Variants in ZFAND3 observed in about 807,000 individuals in gnomAD.
ZFAND3 encodes zinc finger AN1-type containing 3.
In ZFAND3, 10 loss-of-function variants were observed where a neutral mutation model predicts 29.6. The observed-to-expected ratio is 0.34, with a 90% CI of 0.21 to 0.57. ZFAND3 has a LOEUF of 0.57. ZFAND3 is among the 20% of genes least tolerant of loss of function. The pLI, the probability that ZFAND3 is intolerant of heterozygous loss-of-function variation, is 0.86. For missense variants in ZFAND3, 230 were observed against 304.5 expected, an observed-to-expected ratio of 0.76 and a Z score of 1.82; for synonymous variants, 128 against 112.6, an observed-to-expected ratio of 1.14 and a Z score of -0.87.
intron 2 of ZFAND3, among the ~76,000 whole-genome samples, chr6:37,984,622 G>A (rs909498106): frequency 2.6e-5 from 4 of 152,216 alleles, no homozygotes; most frequent in Non-Finnish European, 5.9e-5. Context: ...AGTGCTAAAA[G>A]CTAGTTGGCA....
At chr6:38,101,751 C>A (rs1358180498) in intron 4 of ZFAND3, among the ~76,000 whole-genome samples, 1 of 107,970 alleles carries the variant, frequency 9.3e-6, no homozygotes, top group African/African-American at 3.7e-5. Context: ...TCCAGCCTGG[C>A]AACAGAGCGA....
chr6:38,103,127 G>GT (rs545632737), intron 4 of ZFAND3, among the ~76,000 whole-genome samples: 140 of 152,268 alleles, frequency 9.2e-4, no homozygotes, highest in African/African-American at 3.0e-3. Context: ...CACAGTTACA[G>GT]TAAGTCCTCA....
chr6:38,049,436 G>T (rs1255710010), intron 2 of ZFAND3, among the ~76,000 whole-genome samples: 1 of 152,170 alleles, frequency 6.6e-6, no homozygotes, highest in African/African-American at 2.4e-5. Context: ...GAGAAGTTAA[G>T]TAACTTGCCC....
chr6:38,076,812 T>C (rs1475693837), intron 3 of ZFAND3, among the ~76,000 whole-genome samples: 2 of 152,226 alleles, frequency 1.3e-5, no homozygotes, highest in Non-Finnish European at 2.9e-5. Context: ...CCTTTCTGAT[T>C]AAAACAATTC....
At chr6:37,982,891 G>T (rs1581812085) in intron 2 of ZFAND3, among the ~76,000 whole-genome samples, 1 of 152,144 alleles carries the variant, frequency 6.6e-6, no homozygotes, top group African/African-American at 2.4e-5. Context: ...TTGTGGAGGT[G>T]GAAGACAGTG....
chr6:37,921,413 T>G lies in ZFAND3; in HGVS notation c.72-8546T>G, dbSNP rs532071426. 3.9e-5 allele frequency among the ~76,000 whole-genome samples: 6 copies of G among 151,936 alleles called. No individual in the cohort carries two copies. In the East Asian group the frequency reaches 1.2e-3, roughly 29 times the overall value. Reference sequence around the variant, plus strand: ...TTCTCTATTTTTCTTGTGCCCTAGGTTTTTCCTTCCAGTTGGGTTAAAAAA... The same window carrying G: ...TTCTCTATTTTTCTTGTGCCCTAGGGTTTTCCTTCCAGTTGGGTTAAAAAA... On this transcript the variant is annotated intron_variant, in intron 1 of 5. Coordinates refer to ENST00000287218, the MANE Select transcript of ZFAND3 (RefSeq NM_021943.3).
At chr6:37,889,024 A>G (rs1366406033) in intron 1 of ZFAND3, among the ~76,000 whole-genome samples, 1 of 152,168 alleles carries the variant, frequency 6.6e-6, no homozygotes, top group Non-Finnish European at 1.5e-5. Context: ...TTTGAGTAAC[A>G]CAAGCATAAA....
chr6:37,976,681 C>G (rs1349671176), intron 2 of ZFAND3, among the ~76,000 whole-genome samples: 1 of 151,408 alleles, frequency 6.6e-6, no homozygotes, highest in Non-Finnish European at 1.5e-5. Context: ...AACAGGGAGG[C>G]CTCAGGAAAC....
intron 2 of ZFAND3, among the ~76,000 whole-genome samples, chr6:38,055,879 T>C (rs1764125137): frequency 6.6e-6 from 1 of 152,228 alleles, no homozygotes; most frequent in African/African-American, 2.4e-5. Flanking sequence ...AATCCAGTGA[T>C]GGACTTTCTG....
At chr6:37,841,039 A>G (rs1465828442) in intron 1 of ZFAND3, among the ~76,000 whole-genome samples, 1 of 152,238 alleles carries the variant, frequency 6.6e-6, no homozygotes, top group Non-Finnish European at 1.5e-5. Context: ...TGTGACTTCA[A>G]GATACTTGAG....
chr6:37,850,946 A>G (rs372032607), intron 1 of ZFAND3, among the ~76,000 whole-genome samples: 2 of 150,712 alleles, frequency 1.3e-5, no homozygotes, highest in South Asian at 2.1e-4. Context: ...TTAGTCACCA[A>G]ATTGATTTTC....
At position 37,833,912 on chromosome 6, in the gene ZFAND3, C is replaced by G. The variant is rs150793885; in HGVS notation, c.71+13896C>G. The stretch of plus-strand genomic sequence containing the variant: ...TACTAGAAGGTAAAAAGAGAGAGTT[C>G]CCATATACCCTTTAACTGTCTACAC... On this transcript the variant is annotated intron_variant, in intron 1 of 5. Transcript: ENST00000287218. 3.3e-5 allele frequency among the ~76,000 whole-genome samples: 5 copies of G among 151,912 alleles called. No individual in the cohort carries two copies. The East Asian group carries it at 9.7e-4, about 29-fold the overall frequency.
chr6:37,985,749 C>G (rs144036487), intron 2 of ZFAND3, among the ~76,000 whole-genome samples: 47 of 152,202 alleles, frequency 3.1e-4, no homozygotes, highest in African/African-American at 1.1e-3. Flanking sequence ...CACCAACATA[C>G]AAAGCACATG....
chr6:37,955,149 T>C (rs376057164), intron 2 of ZFAND3, among the ~76,000 whole-genome samples: 1 of 148,948 alleles, frequency 6.7e-6, no homozygotes, highest in East Asian at 2.0e-4. Flanking sequence ...CAACCAATTT[T>C]TGTGTGTGTG....
At chr6:37,975,048 T>G (rs1333855118) in intron 2 of ZFAND3, among the ~76,000 whole-genome samples, 1 of 152,250 alleles carries the variant, frequency 6.6e-6, no homozygotes, top group East Asian at 1.9e-4. Flanking sequence ...TGTTTTAACT[T>G]TTTAAGAAAC....
At chr6:38,092,055 G>A (rs143643612) in intron 4 of ZFAND3, among the ~76,000 whole-genome samples, 1 of 152,320 alleles carries the variant, frequency 6.6e-6, no homozygotes, top group East Asian at 1.9e-4. Flanking sequence ...CCCGCCAGCA[G>A]GTGGGCTGGC....
At chr6:37,827,124 G>A (rs549278226) in intron 1 of ZFAND3, among the ~76,000 whole-genome samples, 8 of 152,072 alleles carry the variant, frequency 5.3e-5, no homozygotes, top group South Asian at 2.1e-4. Context: ...ATTTCTTTCC[G>A]GCCCTAACAT....
intron 2 of ZFAND3, among the ~76,000 whole-genome samples, chr6:38,033,653 T>A (rs371765937): frequency 6.6e-6 from 1 of 152,182 alleles, no homozygotes; most frequent in Non-Finnish European, 1.5e-5. Flanking sequence ...CAATCCACAG[T>A]TTTCTATGTC....
At chr6:37,820,110 C>A (rs1763634253) in intron 1 of ZFAND3, 94 bp downstream of exon 1, 1 of 951,306 alleles carries the variant, frequency 1.1e-6, no homozygotes, top group Non-Finnish European at 1.3e-6. Flanking sequence ...GAGGCCGGAA[C>A]CTTGGAGGCT....
Sources: gnomAD v4.1 joint callset for allele counts (sites outside exome capture counted in the v4.1 genomes callset) on GRCh38, gnomAD v4.1.1 for gene constraint, MANE v1.5 for transcripts, NCBI Gene and HGNC (gene_info 2026-07-23, HGNC 2026-07-21) for gene names.